MDFIC: variants seen among roughly 807,000 people sequenced by gnomAD.
MDFIC encodes the protein MyoD family inhibitor domain containing, also known as myoD family inhibitor domain-containing protein.
MDFIC carries 17 observed loss-of-function variants against 23.2 expected under a neutral mutation model. That is an observed-to-expected ratio of 0.73 (90% CI 0.50 to 1.10). MDFIC has a LOEUF of 1.10. Among genes scored for constraint, MDFIC ranks in the 50% least tolerant of loss-of-function variants. The pLI is 0.00. For missense variants in MDFIC, 356 were observed against 316.6 expected (o/e 1.12, Z -0.95); for synonymous variants, 120 against 115.2 (o/e 1.04, Z -0.27).
chr7:114,992,665 A>G (rs1791200148), intron 4 of MDFIC, among the ~76,000 whole-genome samples: 1 of 152,108 alleles, frequency 6.6e-6, no homozygotes, highest in African/African-American at 2.4e-5. Flanking sequence ...TGATTTGTGT[A>G]TGTTGAACCA....
At position 114,922,545 on chromosome 7, in the gene MDFIC, C is replaced by A; in HGVS notation, c.-199C>A. The A allele has an allele frequency of 7.9e-7, 1 of 1,265,632 alleles. No homozygotes were observed. Among genetic ancestry groups the A allele is most frequent in the East Asian group, 3.0e-5 (1 of 32,902 alleles). The allele number at this position is 1,265,632 out of a possible 1,614,324, so 78.4% of individuals were successfully genotyped here. A position where few individuals can be genotyped will look rare whatever the true frequency, so the allele number is the denominator to read the frequency against. On this transcript the variant is annotated 5_prime_UTR_variant, in exon 1 of 5. Transcript: ENST00000393486. ...TCGTCAGGCCACCGGGGCGAAAATGCGGCCGCTGCCGGAGGCTCGCTAACT... is the reference window on the plus strand; with the variant it reads ...TCGTCAGGCCACCGGGGCGAAAATGAGGCCGCTGCCGGAGGCTCGCTAACT...
intron 3 of MDFIC, among the ~76,000 whole-genome samples, chr7:114,946,570 T>G (rs1301327880): frequency 6.6e-6 from 1 of 152,234 alleles, no homozygotes; most frequent in African/African-American, 2.4e-5. Flanking sequence ...ATTCTCTCCT[T>G]TGTGATTTTA....
intron 3 of MDFIC, among the ~76,000 whole-genome samples, chr7:114,978,097 A>G (rs1377009922): frequency 6.6e-6 from 1 of 151,418 alleles, no homozygotes; most frequent in Non-Finnish European, 1.5e-5. Flanking sequence ...TCTACCTTAT[A>G]TTAATATATG....
intron 3 of MDFIC, among the ~76,000 whole-genome samples, chr7:114,977,654 G>A (rs1793342604): frequency 6.6e-6 from 1 of 151,968 alleles, no homozygotes; most frequent in African/African-American, 2.4e-5. Flanking sequence ...CCAGAATGCT[G>A]GACAACACAA....
At chr7:115,001,994 AG>A (rs1473942102) in intron 4 of MDFIC, among the ~76,000 whole-genome samples, 1 of 152,036 alleles carries the variant, frequency 6.6e-6, no homozygotes, top group African/African-American at 2.4e-5. Context: ...AAAATTAGCC[AG>A]GTGTGGTGGT....
At chr7:114,990,446 A>G (rs1793586559) in intron 4 of MDFIC, among the ~76,000 whole-genome samples, 1 of 151,870 alleles carries the variant, frequency 6.6e-6, no homozygotes, top group African/African-American at 2.4e-5. Flanking sequence ...GGTGTGCTGC[A>G]CCCATTAACT....
intron 3 of MDFIC, among the ~76,000 whole-genome samples, chr7:114,979,084 T>C (rs186463674): frequency 6.6e-6 from 1 of 152,194 alleles, no homozygotes; most frequent in Non-Finnish European, 1.5e-5. Context: ...TTTCCTTTTA[T>C]TTGAAAAGAC....
intron 3 of MDFIC, among the ~76,000 whole-genome samples, chr7:114,978,957 A>T (rs1266330567): frequency 2.0e-5 from 3 of 152,200 alleles, no homozygotes; most frequent in South Asian, 2.1e-4. Flanking sequence ...TAAAAATCAA[A>T]TTAAAGAATA....
chr7:114,948,864 C>T (rs779111060), intron 3 of MDFIC, among the ~76,000 whole-genome samples: 3 of 152,020 alleles, frequency 2.0e-5, no homozygotes, highest in African/African-American at 4.8e-5. Context: ...TATATACAAA[C>T]GAATTTGCAG....
rs1791243546 is a variant in MDFIC at position 114,993,748 on chromosome 7, T to C, written c.493+13967T>C. 2.0e-5 allele frequency among the ~76,000 whole-genome samples: 3 copies of C among 152,250 alleles called. No individual in the cohort carries two copies. In the South Asian group the frequency reaches 6.2e-4, roughly 31 times the overall value. On this transcript the variant is annotated intron_variant, in intron 4 of 4. Transcript: ENST00000393486. ...ATAATTTCTGTTCTTTTATATTTGC[T>C]GAGGAGTGCTTTACTTCCAACTATG...
intron 2 of MDFIC, 39 bp from the exon 3 acceptor site, chr7:114,942,236 A>C: frequency 2.4e-6 from 3 of 1,250,242 alleles, no homozygotes; most frequent in Non-Finnish European, 3.2e-6. Context: ...AGAAAAATAT[A>C]TAAAATCAAT....
chr7:114,945,198 A>G (rs1225782380), intron 3 of MDFIC, among the ~76,000 whole-genome samples: 1 of 152,194 alleles, frequency 6.6e-6, no homozygotes, highest in Non-Finnish European at 1.5e-5. Context: ...CGGACACTCA[A>G]GGCATAATTT....
chr7:115,006,018 G>A (rs1297216743), intron 4 of MDFIC, among the ~76,000 whole-genome samples: 4 of 152,116 alleles, frequency 2.6e-5, no homozygotes, highest in Admixed American at 6.5e-5. Flanking sequence ...CTGTTAGACC[G>A]CTGTGCTTCT....
Position 114,994,799 on chromosome 7 carries a change from C to A in MDFIC, c.493+15018C>A, listed in dbSNP as rs543180420. 1.8e-3 allele frequency among the ~76,000 whole-genome samples: 277 copies of A among 152,152 alleles called. 1 individual carries two copies. Among genetic ancestry groups the A allele is most frequent in the Non-Finnish European group, 2.9e-3 (200 of 67,988 alleles). On this transcript the variant is annotated intron_variant, in intron 4 of 4. Transcript: ENST00000393486. ...CCCTTAACATTTTTTCCTTCATTTCCACTGTGGTGAATCTGACAATTATGT... is the reference window on the plus strand; with the variant it reads ...CCCTTAACATTTTTTCCTTCATTTCAACTGTGGTGAATCTGACAATTATGT...
At chr7:114,996,570 A>G (rs1469923943) in intron 4 of MDFIC, among the ~76,000 whole-genome samples, 1 of 152,180 alleles carries the variant, frequency 6.6e-6, no homozygotes, top group East Asian at 1.9e-4. Context: ...TTGGGAGTTC[A>G]AAGGAAAGGT....
At chr7:114,974,578 G>C (rs1433681585) in intron 3 of MDFIC, among the ~76,000 whole-genome samples, 1 of 152,058 alleles carries the variant, frequency 6.6e-6, no homozygotes, top group Admixed American at 6.6e-5. Flanking sequence ...TCTGACTTGT[G>C]TAAAGTGACC....
chr7:114,926,667 C>T (rs1792196634), intron 2 of MDFIC, among the ~76,000 whole-genome samples: 1 of 152,068 alleles, frequency 6.6e-6, no homozygotes, highest in African/African-American at 2.4e-5. Context: ...TGCAAAATGC[C>T]AGTGAAGTTA....
At chr7:115,012,378 A>T (rs2116139248) in intron 4 of MDFIC, among the ~76,000 whole-genome samples, 1 of 152,342 alleles carries the variant, frequency 6.6e-6, no homozygotes, top group Middle Eastern at 3.4e-3. Context: ...AACCACCATG[A>T]GACGCCATTT....
At chr7:115,000,055 C>G (rs1013514875) in intron 4 of MDFIC, among the ~76,000 whole-genome samples, 2 of 151,996 alleles carry the variant, frequency 1.3e-5, no homozygotes, top group African/African-American at 4.8e-5. Context: ...TTTATTCTAC[C>G]TCAACTTTAA....
Sources: gnomAD v4.1 joint callset for allele counts (sites outside exome capture counted in the v4.1 genomes callset) on GRCh38, gnomAD v4.1.1 for gene constraint, MANE v1.5 for transcripts, NCBI Gene and HGNC (gene_info 2026-07-23, HGNC 2026-07-21) for gene names.